GRIA1: variants seen among roughly 807,000 people sequenced by gnomAD.
GRIA1 encodes glutamate receptor 1.
In GRIA1, 31 loss-of-function variants were observed where a neutral mutation model predicts 99.2. That is an observed-to-expected ratio of 0.31 (90% CI 0.23 to 0.42). The LOEUF (loss-of-function observed/expected upper bound fraction) is 0.42. GRIA1 is among the 10% of genes least tolerant of loss of function. GRIA1 has a pLI of 1.00. For synonymous variants in GRIA1, 438 were observed against 432.4 expected, an observed-to-expected ratio of 1.01 and a Z score of -0.16; for missense variants, 782 against 1,157.5, an observed-to-expected ratio of 0.68 and a Z score of 4.71.
intron 7 of GRIA1, among the ~76,000 whole-genome samples, chr5:153,679,544 C>A (rs570461250): frequency 1.3e-5 from 2 of 152,358 alleles, no homozygotes; most frequent in South Asian, 2.1e-4. Flanking sequence ...CCTCTTCCCC[C>A]AGTTAGGTCT....
Position 153,490,777 on chromosome 5 carries a change from A to C in GRIA1, c.-112A>C. 1.1e-4 allele frequency: 86 copies of C among 777,046 alleles called. No individual in the cohort carries two copies. The highest frequency in any genetic ancestry group is 1.8e-4 in the East Asian group (7 of 38,814). 48.1% of individuals were successfully genotyped at this position (777,046 alleles called of 1,614,324 possible). On this transcript the variant is annotated 5_prime_UTR_variant, in exon 1 of 16. Coordinates refer to ENST00000285900, the MANE Select transcript of GRIA1 (RefSeq NM_000827.4). ...AAGGAAGCAAGCAAGCAAGGAAGGA[A>C]CTGCAGGAGGAAAAGAACAGGCAGA... is the stretch of plus-strand genomic sequence containing the variant.
At chr5:153,784,511 G>A (rs918880433) in intron 13 of GRIA1, among the ~76,000 whole-genome samples, 4 of 152,176 alleles carry the variant, frequency 2.6e-5, no homozygotes, top group African/African-American at 4.8e-5. Context: ...TAAGATCGCA[G>A]AACTCTCTGT....
At chr5:153,715,635 T>G (rs917523412) in intron 11 of GRIA1, among the ~76,000 whole-genome samples, 1 of 152,302 alleles carries the variant, frequency 6.6e-6, no homozygotes, top group East Asian at 1.9e-4. Flanking sequence ...GGTGACACAC[T>G]GTAAATGCTG....
intron 13 of GRIA1, among the ~76,000 whole-genome samples, chr5:153,778,836 T>C (rs916105884): frequency 6.6e-6 from 1 of 152,114 alleles, no homozygotes; most frequent in Non-Finnish European, 1.5e-5. Flanking sequence ...GACTGCACCA[T>C]TTGTACTTGT....
rs578144415 is a variant in GRIA1, at chr5:153,809,558, T to G, written c.2521-1467T>G. Among the ~76,000 whole-genome samples, 161 of 152,374 alleles carry G rather than the reference T, an allele frequency of 1.1e-3. 1 individual carries two copies. The highest frequency in any genetic ancestry group is 1.1e-3 in the Non-Finnish European group (73 of 68,034). On this transcript the variant is annotated intron_variant, in intron 15 of 15. Transcript: ENST00000285900. ...TGGCCACAGAAGGTTGACTGATTTC[T>G]CTGGTCACTAGAATAATGGCAATAT...
At chr5:153,676,149 G>A (rs539578439) in intron 6 of GRIA1, among the ~76,000 whole-genome samples, 23 of 152,214 alleles carry the variant, frequency 1.5e-4, no homozygotes, top group South Asian at 2.1e-4. Context: ...GAGCCACTGC[G>A]CCCGGCATGT....
At chr5:153,571,427 C>A (rs1762107787) in intron 2 of GRIA1, among the ~76,000 whole-genome samples, 1 of 152,124 alleles carries the variant, frequency 6.6e-6, no homozygotes, top group Admixed American at 6.5e-5. Flanking sequence ...TTGAAAGCAG[C>A]CAAAGACAAC....
intron 2 of GRIA1, among the ~76,000 whole-genome samples, chr5:153,624,013 G>A (rs2149426020): frequency 6.6e-6 from 1 of 152,232 alleles, no homozygotes. Context: ...GACTCAAAAG[G>A]GAAACAAATG....
chr5:153,766,207 C>G (rs1182772622), intron 12 of GRIA1, among the ~76,000 whole-genome samples: 1 of 152,186 alleles, frequency 6.6e-6, no homozygotes, highest in African/African-American at 2.4e-5. Flanking sequence ...GTCACCTAGT[C>G]AGAGGCTGTC....
chr5:153,578,909 A>G (rs1214100297), intron 2 of GRIA1, among the ~76,000 whole-genome samples: 1 of 152,082 alleles, frequency 6.6e-6, no homozygotes, highest in Admixed American at 6.6e-5. Context: ...CTCCATCTCA[A>G]AAATAAATAA....
intron 11 of GRIA1, among the ~76,000 whole-genome samples, chr5:153,745,355 A>G (rs1030857400): frequency 2.6e-5 from 4 of 152,016 alleles, no homozygotes; most frequent in African/African-American, 9.7e-5. Flanking sequence ...TGGGAGGCCA[A>G]GGTGAGTGGG....
intron 11 of GRIA1, among the ~76,000 whole-genome samples, chr5:153,758,849 C>T (rs924003282): frequency 3.3e-5 from 5 of 151,776 alleles, no homozygotes; most frequent in Non-Finnish European, 5.9e-5. Context: ...CAATACAAAA[C>T]AAGTATTAAC....
chr5:153,519,121 G>A (rs534284568), intron 2 of GRIA1, among the ~76,000 whole-genome samples: 2 of 152,104 alleles, frequency 1.3e-5, no homozygotes, highest in South Asian at 2.1e-4. Context: ...AAAATTAGCC[G>A]GGCATGATGG....
At chr5:153,566,716 C>CTTTTTTT (rs56127811) in intron 2 of GRIA1, among the ~76,000 whole-genome samples, 3 of 116,546 alleles carry the variant, frequency 2.6e-5, no homozygotes, top group Admixed American at 1.1e-4. Flanking sequence ...CAAATATTGT[C>CTTTTTTT]TTTTTTTTTT....
At chr5:153,643,438 G>T (rs1277655015) in intron 2 of GRIA1, among the ~76,000 whole-genome samples, 3 of 152,078 alleles carry the variant, frequency 2.0e-5, no homozygotes, top group African/African-American at 4.8e-5. Flanking sequence ...ATTGAATATT[G>T]GTTGTGACAG....
chr5:153,784,653 T>G (rs1440621886), intron 13 of GRIA1, among the ~76,000 whole-genome samples: 7 of 152,126 alleles, frequency 4.6e-5, no homozygotes, highest in African/African-American at 1.7e-4. Context: ...ATAACCCCAC[T>G]AACTATTTTC....
At chr5:153,516,728 C>T (rs1438916020) in intron 2 of GRIA1, among the ~76,000 whole-genome samples, 1 of 152,122 alleles carries the variant, frequency 6.6e-6, no homozygotes, top group Admixed American at 6.5e-5. Flanking sequence ...TGTGTCTGCA[C>T]TTTTCATATC....
rs145462763 is a variant in GRIA1, at chr5:153,553,926, G to A, written c.220+59861G>A. On this transcript the variant is annotated intron_variant, in intron 2 of 15. Transcript: ENST00000285900. ...GGGGGGACCCTCTCCTGTCCTGCTC[G>A]TGTCTGACTAGCTACCTACTGTAAT... Among the ~76,000 whole-genome samples the A allele has an allele frequency of 9.9e-5, 15 of 152,264 alleles. No individual in the cohort carries two copies. In the East Asian group the frequency reaches 1.2e-3, roughly 12 times the overall value.
intron 2 of GRIA1, among the ~76,000 whole-genome samples, chr5:153,505,964 T>A (rs993537030): frequency 1.3e-5 from 2 of 152,164 alleles, no homozygotes; most frequent in African/African-American, 4.8e-5. Flanking sequence ...TGAGAGTAAA[T>A]TCCCCTGTGG....
Sources: gnomAD v4.1 joint callset for allele counts (sites outside exome capture counted in the v4.1 genomes callset) on GRCh38, gnomAD v4.1.1 for gene constraint, MANE v1.5 for transcripts, NCBI Gene and HGNC (gene_info 2026-07-23, HGNC 2026-07-21) for gene names.